Variants in EXOC6B observed in about 807,000 individuals in gnomAD.
The protein encoded by EXOC6B is SEC15 homolog B.
Under a neutral mutation model 113.5 loss-of-function variants are expected in EXOC6B, and 54 were observed. The observed-to-expected ratio is 0.48, with a 90% CI of 0.38 to 0.60. The LOEUF is 0.60. Among genes scored for constraint, EXOC6B ranks in the 20% least tolerant of loss-of-function variants. The pLI, the probability that EXOC6B is intolerant of heterozygous loss-of-function variation, is 0.00. For synonymous variants in EXOC6B, 357 were observed against 339.0 expected (o/e 1.05, Z -0.58); for missense variants, 797 against 977.5 (o/e 0.82, Z 2.46).
chr2:72,527,261 A>G (rs1054383754), intron 8 of EXOC6B, among the ~76,000 whole-genome samples: 3 of 152,180 alleles, frequency 2.0e-5, no homozygotes, highest in Non-Finnish European at 2.9e-5. Flanking sequence ...AAGTTATTTT[A>G]AAACATACAG....
In EXOC6B at chr2:72,176,016, T is replaced by C. The variant is rs1677704239; in HGVS notation, c.*3319A>G. On this transcript the variant is annotated 3_prime_UTR_variant, in exon 22 of 22. Coordinates refer to ENST00000272427, the MANE Select transcript of EXOC6B (RefSeq NM_015189.3). The stretch of plus-strand genomic sequence containing the variant: ...TGAAACAGGTATGTAGGCTTTCTTG[T>C]TTAATAGCAGTTAAAAGAGGAAAAT... The C allele has an allele frequency of 6.6e-6, 1 of 152,194 alleles. No homozygotes were observed. Among genetic ancestry groups the C allele is most frequent in the Non-Finnish European group, 1.5e-5 (1 of 68,074 alleles). 9.4% of individuals were successfully genotyped at this position (152,194 alleles called of 1,614,324 possible).
intron 6 of EXOC6B, among the ~76,000 whole-genome samples, chr2:72,586,907 AAAC>A (rs1705622689): frequency 6.6e-6 from 1 of 152,198 alleles, no homozygotes; most frequent in Admixed American, 6.5e-5. Context: ...AAAAGTCAAA[AAAC>A]AACAGATGCT....
chr2:72,340,129 G>T (rs1204729412), intron 19 of EXOC6B, among the ~76,000 whole-genome samples: 1 of 151,888 alleles, frequency 6.6e-6, no homozygotes, highest in Non-Finnish European at 1.5e-5. Context: ...ACTTTAATTT[G>T]GTATATTCAT....
chr2:72,756,584 A>G (rs1006261425), intron 1 of EXOC6B, among the ~76,000 whole-genome samples: 6 of 152,240 alleles, frequency 3.9e-5, no homozygotes, highest in African/African-American at 1.4e-4. Context: ...TAAAGGTTAA[A>G]TTCAGCCCAA....
At chr2:72,658,546 A>G (rs1320843397) in intron 6 of EXOC6B, among the ~76,000 whole-genome samples, 1 of 151,970 alleles carries the variant, frequency 6.6e-6, no homozygotes, top group Non-Finnish European at 1.5e-5. Flanking sequence ...TAAATTATAT[A>G]TAACTAATCA....
At chr2:72,498,898 T>C (rs1211629428) in intron 12 of EXOC6B, among the ~76,000 whole-genome samples, 1 of 152,102 alleles carries the variant, frequency 6.6e-6, no homozygotes, top group East Asian at 1.9e-4. Context: ...AAAGTAAAAA[T>C]GCTTCGAATC....
At chr2:72,491,368 T>A (rs1327010033) in intron 16 of EXOC6B, among the ~76,000 whole-genome samples, 1 of 152,168 alleles carries the variant, frequency 6.6e-6, no homozygotes, top group Non-Finnish European at 1.5e-5. Flanking sequence ...TCCAGCTGTC[T>A]TTACCTATAG....
intron 6 of EXOC6B, among the ~76,000 whole-genome samples, chr2:72,605,907 G>A (rs528452697): frequency 3.3e-5 from 5 of 151,920 alleles, no homozygotes; most frequent in South Asian, 4.2e-4. Flanking sequence ...TAACACTCTC[G>A]ATATGTGTGA....
intron 20 of EXOC6B, among the ~76,000 whole-genome samples, chr2:72,201,596 T>A (rs1286149119): frequency 6.6e-6 from 1 of 152,236 alleles, no homozygotes; most frequent in South Asian, 2.1e-4. Flanking sequence ...TGGAGAGGAA[T>A]AAAGAAAGCA....
chr2:72,491,262 C>T (rs531159605), intron 16 of EXOC6B, among the ~76,000 whole-genome samples: 3 of 152,184 alleles, frequency 2.0e-5, no homozygotes, highest in South Asian at 4.1e-4. Context: ...ATAAGTAGAA[C>T]TCAATCACTT....
chr2:72,513,950 A>G (rs1701078364), intron 10 of EXOC6B, among the ~76,000 whole-genome samples: 2 of 152,118 alleles, frequency 1.3e-5, no homozygotes, highest in Non-Finnish European at 2.9e-5. Flanking sequence ...AAAAAAATAA[A>G]CCTGATGAAG....
chr2:72,401,524 C>T (rs13397148), intron 18 of EXOC6B, among the ~76,000 whole-genome samples: 1,037 of 29,326 alleles, frequency 0.035, 47 homozygotes, highest in African/African-American at 0.073. Flanking sequence ...TACATATATA[C>T]ATATATATAT....
At chr2:72,492,221 G>C in intron 16 of EXOC6B, 97 bp downstream of exon 16, 1 of 552,978 alleles carries the variant, frequency 1.8e-6, no homozygotes, top group Non-Finnish European at 3.2e-6. Context: ...ATCAGGAAGA[G>C]CATGTAGAAA....
chr2:72,397,842 A>C (rs1249839578), intron 18 of EXOC6B, among the ~76,000 whole-genome samples: 1 of 152,146 alleles, frequency 6.6e-6, no homozygotes, highest in Middle Eastern at 3.4e-3. Flanking sequence ...GAATAAAATG[A>C]TCAAGGGCTA....
intron 6 of EXOC6B, among the ~76,000 whole-genome samples, chr2:72,623,833 C>A (rs1225923323): frequency 6.6e-6 from 1 of 152,166 alleles, no homozygotes; most frequent in Non-Finnish European, 1.5e-5. Flanking sequence ...AAAGTAAGTA[C>A]TTCTATTCCT....
chr2:72,593,615 C>T (rs200245745), intron 6 of EXOC6B, among the ~76,000 whole-genome samples: 104 of 124,904 alleles, frequency 8.3e-4, no homozygotes, highest in African/African-American at 3.1e-3. Context: ...GGAGATAAGA[C>T]AAGATGAACA....
At chr2:72,363,153 T>A (rs916745838) in intron 19 of EXOC6B, among the ~76,000 whole-genome samples, 1 of 152,060 alleles carries the variant, frequency 6.6e-6, no homozygotes, top group Non-Finnish European at 1.5e-5. Context: ...TAAGATGAAA[T>A]CCACACAAAG....
intron 6 of EXOC6B, among the ~76,000 whole-genome samples, chr2:72,643,028 G>A (rs1673385831): frequency 6.6e-6 from 1 of 152,076 alleles, no homozygotes; most frequent in African/African-American, 2.4e-5. Flanking sequence ...ACCATCACTG[G>A]CCACCAGAGA....
chr2:72,326,915 T>C (rs2104849860), intron 20 of EXOC6B, among the ~76,000 whole-genome samples: 1 of 152,148 alleles, frequency 6.6e-6, no homozygotes, highest in Non-Finnish European at 1.5e-5. Flanking sequence ...TGTGGCAATA[T>C]GGGTTGAAAG....
Sources: allele counts gnomAD v4.1 joint callset (sites outside exome capture counted in the v4.1 genomes callset), GRCh38; gene constraint gnomAD v4.1.1; transcripts MANE v1.5; gene names NCBI Gene and HGNC (gene_info 2026-07-23, HGNC 2026-07-21).